Variants in XRRA1 observed in about 807,000 individuals in gnomAD.
XRRA1 encodes the protein X-ray radiation resistance associated 1.
A neutral mutation model predicts 80.2 loss-of-function variants in XRRA1; 69 were observed. The observed-to-expected ratio is 0.86, with a 90% CI of 0.71 to 1.05. XRRA1 has a LOEUF of 1.05. Among genes scored for constraint, XRRA1 ranks in the 50% least tolerant of loss-of-function variants. The pLI is 0.00. For synonymous variants in XRRA1, 348 were observed against 389.9 expected, an observed-to-expected ratio of 0.89 and a Z score of 1.27; for missense variants, 967 against 976.4, an observed-to-expected ratio of 0.99 and a Z score of 0.13.
chr11:74,874,871 C>T (rs2045703298), intron 10 of XRRA1, among the ~76,000 whole-genome samples: 1 of 152,186 alleles, frequency 6.6e-6, no homozygotes, highest in Admixed American at 6.5e-5. Flanking sequence ...ATGGAAGTTC[C>T]TTTGTGGAAC....
chr11:74,848,837 G>C (rs2039020043), intron 14 of XRRA1, among the ~76,000 whole-genome samples: 1 of 152,188 alleles, frequency 6.6e-6, no homozygotes, highest in Non-Finnish European at 1.5e-5. Context: ...CTGGCCCTCA[G>C]TAGTCTCATT....
intron 4 of XRRA1, among the ~76,000 whole-genome samples, chr11:74,934,377 A>C (rs1944420310): frequency 6.6e-6 from 1 of 152,192 alleles, no homozygotes; most frequent in Admixed American, 6.5e-5. Flanking sequence ...TATTTATGGT[A>C]CCCACCATGT....
chr11:74,885,455 G>A (rs978696631), intron 10 of XRRA1, among the ~76,000 whole-genome samples: 4 of 151,748 alleles, frequency 2.6e-5, no homozygotes, highest in African/African-American at 9.7e-5. Flanking sequence ...GAACATACGA[G>A]GTATAAAACC....
chr11:74,891,840 C>T (rs930130260), intron 10 of XRRA1, among the ~76,000 whole-genome samples: 3 of 152,180 alleles, frequency 2.0e-5, no homozygotes, highest in African/African-American at 7.2e-5. Context: ...AGGAATCCAA[C>T]TTACAAGCAA....
chr11:74,881,767 A>C (rs1204758996), intron 10 of XRRA1, among the ~76,000 whole-genome samples: 5 of 149,746 alleles, frequency 3.3e-5, no homozygotes, highest in African/African-American at 9.8e-5. Flanking sequence ...TCACTTATGA[A>C]GCTTAGTTTG....
intron 10 of XRRA1, among the ~76,000 whole-genome samples, chr11:74,888,109 T>C (rs1052521472): frequency 5.9e-5 from 9 of 152,170 alleles, no homozygotes; most frequent in Non-Finnish European, 1.3e-4. Flanking sequence ...GATCTGAGAA[T>C]GGACAGACTG....
At chr11:74,886,186 GAT>G (rs755705311) in intron 10 of XRRA1, among the ~76,000 whole-genome samples, 52 of 152,172 alleles carry the variant, frequency 3.4e-4, no homozygotes, top group Non-Finnish European at 6.5e-4. Context: ...ACTCCTATTT[GAT>G]ATAGCACTGC....
intron 4 of XRRA1, among the ~76,000 whole-genome samples, chr11:74,934,242 A>G (rs977937735): frequency 6.6e-6 from 1 of 152,230 alleles, no homozygotes; most frequent in Non-Finnish European, 1.5e-5. Context: ...ATCTGTAATC[A>G]CTAGACTCTA....
At chr11:74,925,061 C>T (rs1188881167) in intron 7 of XRRA1, among the ~76,000 whole-genome samples, 1 of 152,212 alleles carries the variant, frequency 6.6e-6, no homozygotes, top group South Asian at 2.1e-4. Context: ...ATGTAGGATC[C>T]GAATTTGCTT....
chr11:74,906,554 GATACTT>G, intron 9 of XRRA1, 98 bp from the exon 10 acceptor site: 4 of 1,346,938 alleles, frequency 3.0e-6, no homozygotes, highest in Non-Finnish European at 4.0e-6. Flanking sequence ...ATCAGGCTTG[GATACTT>G]ATTCCTCTTG....
chr11:74,933,534 C>A, intron 5 of XRRA1: 1 of 295,824 alleles, frequency 3.4e-6, no homozygotes, highest in South Asian at 4.9e-5. Flanking sequence ...GGGATTACAG[C>A]CCTGAGCCAC....
intron 10 of XRRA1, among the ~76,000 whole-genome samples, chr11:74,888,623 CT>C (rs2049756176): frequency 6.6e-6 from 1 of 152,162 alleles, no homozygotes; most frequent in African/African-American, 2.4e-5. Flanking sequence ...CTACTCCAAG[CT>C]AAAGGAGGAA....
intron 9 of XRRA1, 32 bp downstream of exon 9, chr11:74,907,113 G>A: frequency 6.2e-7 from 1 of 1,612,114 alleles, no homozygotes; most frequent in Admixed American, 1.7e-5. Context: ...GGGATTAGAG[G>A]AGGCCCAGCA....
chr11:74,939,177 C>A (rs1945763085), intron 3 of XRRA1, among the ~76,000 whole-genome samples: 1 of 152,010 alleles, frequency 6.6e-6, no homozygotes, highest in African/African-American at 2.4e-5. Context: ...CATGGTGAAA[C>A]CCCATCTCTA....
At chr11:74,933,725 G>A (rs1293643089) in intron 5 of XRRA1, 76 bp downstream of exon 5, 1 of 1,401,384 alleles carries the variant, frequency 7.1e-7, no homozygotes, top group South Asian at 1.2e-5. Context: ...GGAGGTGCAA[G>A]AGACAAACCA....
chr11:74,844,385 A>G, intron 16 of XRRA1, 102 bp from the exon 17 acceptor site: 1 of 838,978 alleles, frequency 1.2e-6, no homozygotes, highest in Admixed American at 2.2e-5. Flanking sequence ...GCTCTAGGTA[A>G]AAGGATTTGA....
intron 12 of XRRA1, among the ~76,000 whole-genome samples, chr11:74,855,164 T>G (rs2135705938): frequency 6.6e-6 from 1 of 152,352 alleles, no homozygotes; most frequent in East Asian, 1.9e-4. Context: ...AAAATTCTGC[T>G]GCCATTATCT....
chr11:74,921,185 C>T, intron 8 of XRRA1, 29 bp downstream of exon 8: 1 of 1,609,398 alleles, frequency 6.2e-7, no homozygotes, highest in South Asian at 1.1e-5. Context: ...CACAAAAACA[C>T]AGAATGGACT....
chr11:74,900,131 C>A (rs1262814334), intron 10 of XRRA1, among the ~76,000 whole-genome samples: 2 of 151,734 alleles, frequency 1.3e-5, no homozygotes, highest in Non-Finnish European at 2.9e-5. Flanking sequence ...CGCCACTGCA[C>A]TCCAGCCTGG....
Sources: allele counts gnomAD v4.1 joint callset (sites outside exome capture counted in the v4.1 genomes callset), GRCh38; gene constraint gnomAD v4.1.1; transcripts MANE v1.5; gene names NCBI Gene and HGNC (gene_info 2026-07-23, HGNC 2026-07-21).